PTAR1: variants seen among roughly 807,000 people sequenced by gnomAD.
The protein encoded by PTAR1 is protein prenyltransferase alpha subunit repeat-containing protein 1.
A neutral mutation model predicts 45.5 loss-of-function variants in PTAR1; 17 were observed. That is an observed-to-expected ratio of 0.37 (90% CI 0.26 to 0.56). PTAR1 has a LOEUF of 0.56. PTAR1 is among the 20% of genes least tolerant of loss of function. The pLI is 0.77. For missense variants in PTAR1, 391 were observed against 476.3 expected (o/e 0.82, Z 1.67); for synonymous variants, 169 against 171.3 (o/e 0.99, Z 0.11).
chr9:69,734,035 A>T, intron 4 of PTAR1, 115 bp downstream of exon 4: 1 of 651,528 alleles, frequency 1.5e-6, no homozygotes, highest in Non-Finnish European at 2.7e-6. Flanking sequence ...AGGTAACCTG[A>T]CTTCAGAATT....
chr9:69,746,150 A>G lies in PTAR1; in HGVS notation c.257-4292T>C, dbSNP rs537911037. 3.3e-5 allele frequency among the ~76,000 whole-genome samples: 5 copies of G among 152,342 alleles called. No individual in the cohort carries two copies. The South Asian group carries it at 1.0e-3, about 32-fold the overall frequency. ...CCTTCAGTAAATATTCCAGTCTGAT[A>G]TAAGAAGCTAGGGGTAAAGTGCAAT... On this transcript the variant is annotated intron_variant, in intron 2 of 7. Coordinates refer to ENST00000340434, the MANE Select transcript of PTAR1 (RefSeq NM_001099666.2).
intron 2 of PTAR1, among the ~76,000 whole-genome samples, chr9:69,743,309 A>G (rs1246138025): frequency 6.6e-6 from 1 of 152,168 alleles, no homozygotes; most frequent in African/African-American, 2.4e-5. Context: ...TATGCTGCAA[A>G]CAAAATGTCT....
rs929312741 is a variant in PTAR1 at position 69,709,771 on chromosome 9, A to G, written c.*8571T>C. The G allele has an allele frequency of 9.2e-5, 14 of 152,126 alleles. No homozygotes were observed. Among genetic ancestry groups the G allele is most frequent in the Non-Finnish European group, 1.9e-4 (13 of 67,982 alleles). 9.4% of individuals were successfully genotyped at this position (152,126 alleles called of 1,614,324 possible). A position where few individuals can be genotyped will look rare whatever the true frequency, so the allele number is the denominator to read the frequency against. ...GATTAGAATCCCAGGGCTGTTTGTT[A>G]ATATACATGATTATATTGTAAGAAT... On this transcript the variant is annotated 3_prime_UTR_variant, in exon 8 of 8. Transcript: ENST00000340434.
At chr9:69,756,107 T>A (rs894740692) in intron 1 of PTAR1, among the ~76,000 whole-genome samples, 7 of 152,154 alleles carry the variant, frequency 4.6e-5, no homozygotes, top group Non-Finnish European at 8.8e-5. Context: ...AAATCAGGTA[T>A]AAGAAGCCCA....
At chr9:69,731,961 G>T in intron 5 of PTAR1, 178 bp downstream of exon 5, 5 of 600,376 alleles carry the variant, frequency 8.3e-6, no homozygotes, top group Non-Finnish European at 1.5e-5. Flanking sequence ...CACTAGTGGG[G>T]AATGCAAGCT....
chr9:69,753,309 T>C (rs1488528345), intron 1 of PTAR1, among the ~76,000 whole-genome samples: 2 of 152,136 alleles, frequency 1.3e-5, no homozygotes, highest in Non-Finnish European at 2.9e-5. Context: ...AAATACTTTA[T>C]AAAATAAGAA....
At chr9:69,743,239 C>T (rs566362553) in intron 2 of PTAR1, among the ~76,000 whole-genome samples, 2 of 152,154 alleles carry the variant, frequency 1.3e-5, no homozygotes, top group Admixed American at 6.5e-5. Flanking sequence ...GCAATTTGCC[C>T]GTAGTCACCC....
rs1380920163 is a variant in PTAR1 at position 69,723,630 on chromosome 9, T to A, written c.643A>T (p.Ile215Phe). 50 of 1,593,894 alleles carry A rather than the reference T, an allele frequency of 3.1e-5. No individual in the cohort carries two copies. The highest frequency in any genetic ancestry group is 4.1e-5 in the Non-Finnish European group (48 of 1,168,930). The change falls in exon 6 of 8, where the codon ATT becomes TTT. Residue 215 changes from isoleucine (I) to phenylalanine (F), a missense_variant and splice_region_variant. Ile to Phe is a conservative substitution (Grantham distance 21). Around this residue, in one of 5 missense-constraint regions of PTAR1, gnomAD observed 181 missense variants for 227.7 expected, o/e 0.80. Transcript: ENST00000340434. Reference protein sequence around the residue: ...LQHLAKLDVKILLDELSSTKH... With the variant: ...LQHLAKLDVKFLLDELSSTKH... Reference sequence around the variant, plus strand: ...GTAGAAGATAGTTCATCAAGAAGAATCTTTTAAGAAGAAAAAAGGGAAGTA... The same window carrying A: ...GTAGAAGATAGTTCATCAAGAAGAAACTTTTAAGAAGAAAAAAGGGAAGTA...
In PTAR1 at chr9:69,746,345, C is replaced by T. The variant is rs115026424; in HGVS notation, c.256+4436G>A. On this transcript the variant is annotated intron_variant, in intron 2 of 7. Transcript: ENST00000340434. Reference sequence around the variant, plus strand: ...AATTTGCTAAGTCATTGCTAAGTGACTTCAGTGTGCTGACAAGTTCAGTTT... The same window carrying T: ...AATTTGCTAAGTCATTGCTAAGTGATTTCAGTGTGCTGACAAGTTCAGTTT... 8.0e-3 allele frequency among the ~76,000 whole-genome samples: 1,217 copies of T among 152,224 alleles called. 14 individuals carry two copies. The highest frequency in any genetic ancestry group is 0.028 in the African/African-American group (1,160 of 41,554).
At position 69,731,925 on chromosome 9, in the gene PTAR1, A is replaced by T. The variant is rs116082033; in HGVS notation, c.642+214T>A. 3,479 of 569,570 alleles carry T rather than the reference A, an allele frequency of 6.1e-3. 106 individuals are homozygous for T. The highest frequency in any genetic ancestry group is 0.059 in the African/African-American group (3,122 of 53,346). The allele number at this position is 569,570 out of a possible 1,614,324, so 35.3% of individuals were successfully genotyped here. A position where few individuals can be genotyped will look rare whatever the true frequency, so the allele number is the denominator to read the frequency against. ...TAAACCTGCCTTGCTTTACCAATGC[A>T]CTAGCCTTAAGACTGCCAAAAACAG... is the stretch of plus-strand genomic sequence containing the variant. On this transcript the variant is annotated intron_variant, in intron 5 of 7. Coordinates refer to ENST00000340434, the MANE Select transcript of PTAR1 (RefSeq NM_001099666.2).
rs537332651 is a variant in PTAR1 at position 69,712,525 on chromosome 9, A to C, written c.*5817T>G. The C allele has an allele frequency of 3.9e-5, 6 of 152,320 alleles. No homozygotes were observed. Among genetic ancestry groups the C allele is most frequent in the Admixed American group, 3.9e-4 (6 of 15,290 alleles). 9.4% of individuals were successfully genotyped at this position (152,320 alleles called of 1,614,324 possible). A position where few individuals can be genotyped will look rare whatever the true frequency, so the allele number is the denominator to read the frequency against. On this transcript the variant is annotated 3_prime_UTR_variant, in exon 8 of 8. Transcript: ENST00000340434. ...AAATGGTATATTTTTCCCAAAGCTA[A>C]GAATATGGACAATGATGATATGATA...
At chr9:69,733,799 C>A (rs746372354) in intron 4 of PTAR1, among the ~76,000 whole-genome samples, 1 of 152,140 alleles carries the variant, frequency 6.6e-6, no homozygotes, top group Non-Finnish European at 1.5e-5. Context: ...ATGCCCACAA[C>A]TGCTTCAAAG....
At chr9:69,730,622 A>G (rs894785988) in intron 5 of PTAR1, among the ~76,000 whole-genome samples, 2 of 147,554 alleles carry the variant, frequency 1.4e-5, no homozygotes, top group Non-Finnish European at 3.0e-5. Context: ...ATTTCCAACG[A>G]GCGCATCCTA....
Position 69,714,809 on chromosome 9 carries a change from T to TA in PTAR1, c.*3532dup, listed in dbSNP as rs1824664459. 1 of 151,950 alleles carries TA rather than the reference T, an allele frequency of 6.6e-6. No homozygotes were observed. The highest frequency in any genetic ancestry group is 1.9e-4 in the East Asian group (1 of 5,172). The allele number at this position is 151,950 out of a possible 1,614,324, so 9.4% of individuals were successfully genotyped here. A position where few individuals can be genotyped will look rare whatever the true frequency, so the allele number is the denominator to read the frequency against. ...GGGCCCAGAGTTTCTTAAGAGGTAA[T>TA]AAAATGCTAAAATCTACAGAAGACA... On this transcript the variant is annotated 3_prime_UTR_variant, in exon 8 of 8. Transcript: ENST00000340434.
In PTAR1 at chr9:69,759,996, G is replaced by C. The variant is rs1271090780; in HGVS notation, c.-58C>G. The C allele has an allele frequency of 1.2e-5, 16 of 1,353,326 alleles. No homozygotes were observed. Among genetic ancestry groups the C allele is most frequent in the African/African-American group, 3.1e-5 (2 of 64,574 alleles). The allele number at this position is 1,353,326 out of a possible 1,614,324, so 83.8% of individuals were successfully genotyped here. A position where few individuals can be genotyped will look rare whatever the true frequency, so the allele number is the denominator to read the frequency against. ...TCCGCGTGAGCCGGGCCGCCGGCGG[G>C]AGTTCCGCGGAGAACGAGCGCGCGC... is the stretch of plus-strand genomic sequence containing the variant. On this transcript the variant is annotated 5_prime_UTR_variant, in exon 1 of 8. Coordinates refer to ENST00000340434, the MANE Select transcript of PTAR1 (RefSeq NM_001099666.2).
intron 3 of PTAR1, among the ~76,000 whole-genome samples, chr9:69,740,791 TATA>T (rs1229635786): frequency 6.6e-6 from 1 of 152,116 alleles, no homozygotes; most frequent in Non-Finnish European, 1.5e-5. Context: ...CCAATAGAAA[TATA>T]ATGTGAGTCA....
chr9:69,718,834 A>C (rs1012696891), intron 6 of PTAR1, 150 bp from the exon 7 acceptor site: 12 of 578,468 alleles, frequency 2.1e-5, no homozygotes, highest in Admixed American at 1.6e-4. Flanking sequence ...GAGGAAAAAC[A>C]GTAGAGATGA....
intron 2 of PTAR1, among the ~76,000 whole-genome samples, chr9:69,750,370 A>G (rs1422433182): frequency 6.6e-6 from 1 of 152,066 alleles, no homozygotes; most frequent in African/African-American, 2.4e-5. Context: ...TCTCATTTGG[A>G]CTACTATGAA....
intron 1 of PTAR1, 46 bp downstream of exon 1, chr9:69,759,806 CG>C: frequency 6.7e-7 from 1 of 1,500,866 alleles, no homozygotes; most frequent in Non-Finnish European, 8.9e-7. Context: ...GCCCCGCCCC[CG>C]CCCGCTCCCG....
Sources: gnomAD v4.1 joint callset for allele counts (sites outside exome capture counted in the v4.1 genomes callset) on GRCh38, gnomAD v4.1.1 for gene constraint, gnomAD v4.1.1 regional missense constraint, MANE v1.5 for transcripts, NCBI Gene and HGNC (gene_info 2026-07-23, HGNC 2026-07-21) for gene names.